The following BOD1L1 variants were observed in gnomAD, a reference collection of about 807,000 sequenced individuals.
BOD1L1 encodes biorientation of chromosomes in cell division 1 like 1.
BOD1L1 carries 86 observed loss-of-function variants against 240.7 expected under a neutral mutation model. The observed-to-expected ratio is 0.36, with a 90% CI of 0.30 to 0.43. The LOEUF (loss-of-function observed/expected upper bound fraction) is 0.43, where lower values mean the gene tolerates loss of function less well. BOD1L1 is among the 20% of genes least tolerant of loss of function. The pLI is 1.00. For missense variants in BOD1L1, 3,554 were observed against 3,643.5 expected (o/e 0.98, Z 0.63); for synonymous variants, 1,268 against 1,272.3 (o/e 1.00, Z 0.07).
At chr4:13,608,213 C>T (rs1361938832) in intron 8 of BOD1L1, among the ~76,000 whole-genome samples, 1 of 152,106 alleles carries the variant, frequency 6.6e-6, no homozygotes, top group Non-Finnish European at 1.5e-5. Flanking sequence ...CTCCAGGGAA[C>T]TTCTAGAGGA....
At chr4:13,595,320 A>T (rs2108926543) in intron 12 of BOD1L1, among the ~76,000 whole-genome samples, 1 of 152,376 alleles carries the variant, frequency 6.6e-6, no homozygotes, top group Non-Finnish European at 1.5e-5. Context: ...AAAACGTTTA[A>T]GAGCTCCTGC....
intron 6 of BOD1L1, among the ~76,000 whole-genome samples, chr4:13,610,034 T>C (rs1216982928): frequency 1.3e-5 from 2 of 152,182 alleles, no homozygotes; most frequent in Non-Finnish European, 2.9e-5. Context: ...AAGATAAGCC[T>C]GAAGGGAAGG....
Position 13,570,140 on chromosome 4 carries a change from A to C in BOD1L1, c.9039-12T>G. On this transcript the variant is annotated splice_polypyrimidine_tract_variant and intron_variant, in intron 25 of 25. Coordinates refer to ENST00000040738, the MANE Select transcript of BOD1L1 (RefSeq NM_148894.3). ...GCTGTGTCTTTGATCTGCATTAAGC[A>C]AAGTCAAGGCAATGGTGAGGTTTAA... 1 of 1,545,612 alleles carries C rather than the reference A, an allele frequency of 6.5e-7. No homozygotes were observed. Among genetic ancestry groups the C allele is most frequent in the South Asian group, 1.2e-5 (1 of 81,710 alleles).
intron 15 of BOD1L1, among the ~76,000 whole-genome samples, chr4:13,588,001 C>T (rs1035982279): frequency 1.3e-5 from 2 of 152,014 alleles, no homozygotes; most frequent in Non-Finnish European, 2.9e-5. Flanking sequence ...CTGGCTAACA[C>T]GGTGAAACCC....
chr4:13,592,046 G>A, intron 12 of BOD1L1, 80 bp from the exon 13 acceptor site: 1 of 1,116,044 alleles, frequency 9.0e-7, no homozygotes, highest in Non-Finnish European at 1.3e-6. Context: ...AAGATTTTTA[G>A]GATAGGGAAC....
At chr4:13,609,972 G>A (rs1175165756) in intron 6 of BOD1L1, among the ~76,000 whole-genome samples, 1 of 152,142 alleles carries the variant, frequency 6.6e-6, no homozygotes, top group Non-Finnish European at 1.5e-5. Flanking sequence ...CTGGCTCAGA[G>A]TGCCAAAAAT....
In BOD1L1 at chr4:13,611,091, T is replaced by G. The variant is rs1716130549; in HGVS notation, c.1334A>C (p.Lys445Thr). Residue 445 changes from lysine to threonine, a missense_variant, in exon 6 of 26, where the codon AAG (lysine) becomes ACG (threonine). By Grantham distance (78) the Lys-to-Thr change is moderately conservative. Around this residue, in one of 2 missense-constraint regions of BOD1L1, gnomAD observed 3,393 missense variants for 3,427.1 expected, o/e 0.99. Coordinates refer to ENST00000040738, the MANE Select transcript of BOD1L1 (RefSeq NM_148894.3). Reference protein sequence around the residue: ...EGEITSDDEEKNKQNKTKTQT... With the variant: ...EGEITSDDEETNKQNKTKTQT... The stretch of plus-strand genomic sequence containing the variant: ...AGTTTTTGTTTTATTCTGTTTGTTC[T>G]TCTCTTCATCTGTAAGAAAGTTAAT... 2 of 1,599,734 alleles carry G rather than the reference T, an allele frequency of 1.3e-6. No individual in the cohort carries two copies. Among genetic ancestry groups the G allele is most frequent in the African/African-American group, 2.7e-5 (2 of 74,508 alleles).
chr4:13,576,870 G>A lies in BOD1L1; in HGVS notation c.9006C>T (p.Thr3002=), dbSNP rs151013427. ...EEEEDEPSGA[T]TRSTTRSEAQ... is the part of the protein sequence containing the mutation. Reference sequence around the variant, plus strand: ...CCTCTGATCTGGTGGTGGATCTTGTGGTGGCTCCTGAAGGCTCGTCCTCTT... The same window carrying A: ...CCTCTGATCTGGTGGTGGATCTTGTAGTGGCTCCTGAAGGCTCGTCCTCTT... The change falls in exon 25 of 26, where the codon ACC becomes ACT. Residue 3002 remains threonine, a synonymous_variant. Transcript: ENST00000040738. 77 of 1,613,980 alleles carry A rather than the reference G, an allele frequency of 4.8e-5. No homozygotes were observed. Among genetic ancestry groups the A allele is most frequent in the Middle Eastern group, 3.3e-4 (2 of 6,058 alleles).
rs1250476965 is a variant in BOD1L1 at position 13,602,387 on chromosome 4, C to T, written c.4513G>A (p.Val1505Met). ...TCTGCTCTCCTAGGCCCAGTTGCCA[C>T]ATCCTCAGTTTGTCCGTTCCTTTGG... Reference protein sequence around the residue: ...LHQRNGQTEDVATGPRRAEKT... With the variant: ...LHQRNGQTEDMATGPRRAEKT... The change falls in exon 10 of 26, where the codon GTG (valine) becomes ATG (methionine). Residue 1505 changes from valine to methionine, a missense_variant. Val to Met is a conservative substitution (Grantham distance 21, BLOSUM62 1). Transcript: ENST00000040738. 1 of 1,613,978 alleles carries T rather than the reference C, an allele frequency of 6.2e-7. No homozygotes were observed. The highest frequency in any genetic ancestry group is 1.7e-5 in the Admixed American group (1 of 60,024).
chr4:13,599,988 G>C lies in BOD1L1; in HGVS notation c.6912C>G (p.Val2304=). ...STSTSEGCEA[V]MIGAVLQDED... The stretch of plus-strand genomic sequence containing the variant: ...CATCCTGGAGGACAGCACCAATCAT[G>C]ACTGCTTCACACCCTTCAGAGGTGC... The change falls in exon 10 of 26, where the codon GTC becomes GTG. Residue 2304 remains valine, a synonymous_variant. Transcript: ENST00000040738. The C allele has an allele frequency of 1.2e-6, 2 of 1,610,890 alleles. No individual in the cohort carries two copies. Among genetic ancestry groups the C allele is most frequent in the Non-Finnish European group, 1.7e-6 (2 of 1,178,432 alleles).
Position 13,600,769 on chromosome 4 carries a change from TCA to T in BOD1L1, c.6129_6130del (p.Cys2043Ter). On this transcript the variant is annotated stop_gained and frameshift_variant, in exon 10 of 26. Coordinates refer to ENST00000040738, the MANE Select transcript of BOD1L1 (RefSeq NM_148894.3). LOFTEE classifies it high-confidence loss of function. ...ACTGGCTGTAGTTGCCATGAGACCA[TCA>T]CACTCTTCATTTTCTACAGAGGTGA... 1 of 1,614,022 alleles carries T rather than the reference TCA, an allele frequency of 6.2e-7. No homozygotes were observed. Among genetic ancestry groups the T allele is most frequent in the Non-Finnish European group, 8.5e-7 (1 of 1,179,886 alleles).
At chr4:13,608,760 T>G in intron 7 of BOD1L1, 92 bp from the exon 8 acceptor site, 1 of 1,130,470 alleles carries the variant, frequency 8.8e-7, no homozygotes, top group Non-Finnish European at 1.2e-6. Flanking sequence ...TAATCATTGT[T>G]AAAGCCAAAA....
At chr4:13,608,778 A>AACAATG in intron 7 of BOD1L1, 110 bp from the exon 8 acceptor site, 1 of 874,830 alleles carries the variant, frequency 1.1e-6, no homozygotes, top group Non-Finnish European at 1.6e-6. Context: ...AAATGGCTTT[A>AACAATG]ATATTCTTAA....
At chr4:13,616,414 T>C (rs1295564826) in intron 2 of BOD1L1, among the ~76,000 whole-genome samples, 1 of 152,178 alleles carries the variant, frequency 6.6e-6, no homozygotes, top group Non-Finnish European at 1.5e-5. Flanking sequence ...TAAGGAAATA[T>C]CATATACAAG....
chr4:13,595,907 A>C lies in BOD1L1; in HGVS notation c.8057T>G (p.Ile2686Ser). ...VPSEEEKNGEILAPPESLCGG... is the reference protein window; with the variant it reads ...VPSEEEKNGESLAPPESLCGG... The stretch of plus-strand genomic sequence containing the variant: ...ACACAGACTTTCTGGTGGTGCCAGA[A>C]TTTCACCATTTTTCTCTTCCTCTGA... The change falls in exon 12 of 26, where the codon ATT becomes AGT. Residue 2686 changes from isoleucine (I) to serine (S), a missense_variant. This residue lies in a region of BOD1L1 where 3,393 missense variants were observed against 3,427.1 expected (regional missense o/e 0.99). Transcript: ENST00000040738. 6.2e-7 allele frequency: 1 copy of C among 1,613,850 alleles called. No homozygotes were observed. The highest frequency in any genetic ancestry group is 8.5e-7 in the Non-Finnish European group (1 of 1,179,882).
intron 12 of BOD1L1, among the ~76,000 whole-genome samples, chr4:13,595,401 G>A (rs959321385): frequency 6.6e-6 from 1 of 152,196 alleles, no homozygotes; most frequent in East Asian, 1.9e-4. Flanking sequence ...TGCACAGAGA[G>A]ACTGAGATGA....
Position 13,627,481 on chromosome 4 carries a change from G to A in BOD1L1, c.107C>T (p.Pro36Leu). 1 of 1,014,384 alleles carries A rather than the reference G, an allele frequency of 9.9e-7. No individual in the cohort carries two copies. The allele number at this position is 1,014,384 out of a possible 1,614,324, so 62.8% of individuals were successfully genotyped here. ...CGCGCCGCCCGCCCCGCCCGCGCCGGGGCCAGCCCCGGGGCCCGGCGGCGG... is the reference window on the plus strand; with the variant it reads ...CGCGCCGCCCGCCCCGCCCGCGCCGAGGCCAGCCCCGGGGCCCGGCGGCGG... ...PPPPPGPGAG[P>L]GAGGAGGAGA... The change falls in exon 1 of 26, where the codon CCC becomes CTC. Residue 36 changes from proline (P) to leucine (L), a missense_variant. Around this residue, in one of 2 missense-constraint regions of BOD1L1, gnomAD observed 161 missense variants for 216.4 expected, o/e 0.74. Transcript: ENST00000040738.
At chr4:13,572,757 C>T in intron 25 of BOD1L1, 10 of 1,289,804 alleles carry the variant, frequency 7.8e-6, no homozygotes, top group Non-Finnish European at 1.0e-5. Flanking sequence ...TTCTCTTTTG[C>T]TAATTTTTGG....
chr4:13,573,518 T>C (rs1028046271), intron 25 of BOD1L1, among the ~76,000 whole-genome samples: 4 of 146,488 alleles, frequency 2.7e-5, no homozygotes, highest in Non-Finnish European at 4.5e-5. Flanking sequence ...TCTATCTATC[T>C]ATCTTTCTTT....
Sources: allele counts gnomAD v4.1 joint callset (sites outside exome capture counted in the v4.1 genomes callset), GRCh38; gene constraint gnomAD v4.1.1; regional missense constraint gnomAD v4.1.1; transcripts MANE v1.5; gene names NCBI Gene and HGNC (gene_info 2026-07-23, HGNC 2026-07-21).